CDH6: variants seen among roughly 807,000 people sequenced by gnomAD.
The protein encoded by CDH6 is cadherin-6.
In CDH6, 31 loss-of-function variants were observed where a neutral mutation model predicts 78.0. The ratio of observed to expected loss-of-function variants is 0.40; its 90% CI spans 0.30 to 0.54. The LOEUF is 0.54. Among genes scored for constraint, CDH6 ranks in the 20% least tolerant of loss-of-function variants. The probability of loss-of-function intolerance (pLI) is 0.56; values close to 1 mark genes in which losing one functional copy is unlikely to be tolerated. For synonymous variants in CDH6, 376 were observed against 368.8 expected (o/e 1.02, Z -0.23); for missense variants, 724 against 975.9 (o/e 0.74, Z 3.44).
rs1326321560 is a variant in CDH6 at position 31,286,311 on chromosome 5, GGGAATGAATTGATTGCATATA to G, written c.229-7647_229-7627del. Among the ~76,000 whole-genome samples the G allele has an allele frequency of 2.0e-5, 3 of 152,236 alleles. No homozygotes were observed. The East Asian group carries it at 5.8e-4, about 29-fold the overall frequency. ...AATAGAATGTGCTGATGGCTAAGTG[GGGAATGAATTGATTGCATATA>G]GGAGGAGACTGTAACTTAGACCAGC... On this transcript the variant is annotated intron_variant, in intron 2 of 11. Transcript: ENST00000265071.
intron 1 of CDH6, among the ~76,000 whole-genome samples, chr5:31,241,176 C>G (rs1253984013): frequency 6.6e-6 from 1 of 152,184 alleles, no homozygotes; most frequent in Non-Finnish European, 1.5e-5. Flanking sequence ...CGTCTCTCAG[C>G]CCATCTTTGC....
Position 31,275,505 on chromosome 5 carries a change from G to A in CDH6, c.228+7804G>A, listed in dbSNP as rs986124423. Reference sequence around the variant, plus strand: ...TCACTTAGGATAATGGCCTCCAGCTGCATCCATGTTGTTACAAAGGACATG... The same window carrying A: ...TCACTTAGGATAATGGCCTCCAGCTACATCCATGTTGTTACAAAGGACATG... On this transcript the variant is annotated intron_variant, in intron 2 of 11. Coordinates refer to ENST00000265071, the MANE Select transcript of CDH6 (RefSeq NM_004932.4). Among the ~76,000 whole-genome samples the A allele has an allele frequency of 6.6e-5, 10 of 152,242 alleles. 2 individuals carry two copies. The highest frequency in any genetic ancestry group is 5.9e-4 in the Admixed American group (9 of 15,290).
intron 11 of CDH6, among the ~76,000 whole-genome samples, chr5:31,320,392 A>G (rs1738449603): frequency 6.6e-6 from 1 of 152,200 alleles, no homozygotes; most frequent in South Asian, 2.1e-4. Context: ...AAAGCTATAG[A>G]TACCTTAAGC....
rs564740359 is a variant in CDH6, at chr5:31,244,835, G to A, written c.-128-22511G>A. On this transcript the variant is annotated intron_variant, in intron 1 of 11. Coordinates refer to ENST00000265071, the MANE Select transcript of CDH6 (RefSeq NM_004932.4). ...GGGCAAGGTACTTACTATAGGAGAA[G>A]AGGGTCCAGAGTTAGACGACCTCTG... is the stretch of plus-strand genomic sequence containing the variant. 4.3e-4 allele frequency among the ~76,000 whole-genome samples: 66 copies of A among 152,286 alleles called. 2 individuals carry two copies. In the South Asian group the frequency reaches 8.7e-3, roughly 20 times the overall value.
At chr5:31,259,754 G>A (rs931388620) in intron 1 of CDH6, among the ~76,000 whole-genome samples, 5 of 152,116 alleles carry the variant, frequency 3.3e-5, no homozygotes, top group East Asian at 1.9e-4. Context: ...CAGGGTCCAC[G>A]TGCCCAAAGG....
At chr5:31,273,944 C>G (rs1232976000) in intron 2 of CDH6, among the ~76,000 whole-genome samples, 1 of 152,118 alleles carries the variant, frequency 6.6e-6, no homozygotes. Context: ...CCCTTGATAA[C>G]CCTCTCTAAA....
intron 1 of CDH6, among the ~76,000 whole-genome samples, chr5:31,247,795 C>T (rs566273818): frequency 9.2e-5 from 14 of 152,304 alleles, no homozygotes; most frequent in East Asian, 1.9e-4. Flanking sequence ...TTAGGATGAA[C>T]GCTGCCTTGT....
intron 6 of CDH6, among the ~76,000 whole-genome samples, chr5:31,304,285 G>A (rs1450828582): frequency 6.6e-6 from 1 of 152,118 alleles, no homozygotes; most frequent in African/African-American, 2.4e-5. Flanking sequence ...ATCACCGGGG[G>A]AAGTGTTTAA....
At chr5:31,299,773 A>T (rs1484795280) in intron 5 of CDH6, 142 bp downstream of exon 5, 2 of 668,640 alleles carry the variant, frequency 3.0e-6, no homozygotes, top group Admixed American at 5.2e-5. Context: ...AAATGAGTTG[A>T]CAACATGGCA....
chr5:31,204,737 C>A (rs934612539), intron 1 of CDH6, among the ~76,000 whole-genome samples: 1 of 152,234 alleles, frequency 6.6e-6, no homozygotes, highest in East Asian at 1.9e-4. Context: ...AGAGCCAAAC[C>A]TGTCCCGTTT....
chr5:31,275,417 G>A (rs1480013912), intron 2 of CDH6, among the ~76,000 whole-genome samples: 3 of 152,026 alleles, frequency 2.0e-5, no homozygotes, highest in Non-Finnish European at 2.9e-5. Context: ...ATGAGTACCC[G>A]ATGTTTAGCT....
At chr5:31,210,927 A>G (rs1740687929) in intron 1 of CDH6, among the ~76,000 whole-genome samples, 1 of 152,226 alleles carries the variant, frequency 6.6e-6, no homozygotes, top group Non-Finnish European at 1.5e-5. Context: ...ATGGAATTCT[A>G]TTTAATAAAC....
At chr5:31,300,344 C>G (rs188094979) in intron 5 of CDH6, among the ~76,000 whole-genome samples, 19 of 152,202 alleles carry the variant, frequency 1.2e-4, no homozygotes, top group African/African-American at 4.3e-4. Context: ...CGAAAGCTAT[C>G]TCAATTATTC....
chr5:31,280,904 C>CA (rs201793108), intron 2 of CDH6, among the ~76,000 whole-genome samples: 19,498 of 117,140 alleles, frequency 0.17, 1,782 homozygotes, highest in African/African-American at 0.31. Context: ...GGCTCCCAAG[C>CA]AAAAAAAAAA....
At chr5:31,216,622 T>C (rs1327729098) in intron 1 of CDH6, among the ~76,000 whole-genome samples, 1 of 148,930 alleles carries the variant, frequency 6.7e-6, no homozygotes, top group East Asian at 2.0e-4. Context: ...AAATCTTTAC[T>C]ATCTGGCCCT....
In CDH6 at chr5:31,325,831, A is replaced by G. The variant is rs1305138992; in HGVS notation, c.*2523A>G. 4.3e-6 allele frequency: 1 copy of G among 231,304 alleles called. No individual in the cohort carries two copies. The highest frequency in any genetic ancestry group is 8.6e-6 in the Non-Finnish European group (1 of 116,910). 14.3% of individuals were successfully genotyped at this position (231,304 alleles called of 1,614,324 possible). On this transcript the variant is annotated 3_prime_UTR_variant, in exon 12 of 12. Coordinates refer to ENST00000265071, the MANE Select transcript of CDH6 (RefSeq NM_004932.4). ...AAGTAAATTTATAGGAAATTGGATA[A>G]TTTGAGACTGGGGCTAAATATTTAG... is the stretch of plus-strand genomic sequence containing the variant.
intron 2 of CDH6, among the ~76,000 whole-genome samples, chr5:31,274,384 A>C (rs12654539): frequency 0.31 from 47,703 of 152,156 alleles, 7,860 homozygotes; most frequent in Admixed American, 0.37. Context: ...TCATAAAGCC[A>C]AGGTAACTCT....
chr5:31,304,683 CAA>C (rs11398035), intron 6 of CDH6, among the ~76,000 whole-genome samples: 27 of 67,918 alleles, frequency 4.0e-4, no homozygotes, highest in African/African-American at 1.4e-3. Flanking sequence ...GACTCCGTCT[CAA>C]AAAAAAAAAA....
Position 31,294,727 on chromosome 5 carries a change from T to A in CDH6, c.523+471T>A, listed in dbSNP as rs949683834. Among the ~76,000 whole-genome samples, 5 of 152,348 alleles carry A rather than the reference T, an allele frequency of 3.3e-5. No individual in the cohort carries two copies. Among genetic ancestry groups the A allele is most frequent in the African/African-American group, 1.2e-4 (5 of 41,588 alleles). ...TTGGGAAGGAGATCAAAGAACTTTT[T>A]TTAATCCATAAACAATAGGCACGTT... On this transcript the variant is annotated intron_variant, in intron 3 of 11. Transcript: ENST00000265071. This position sits in a 1 kb window ranked among gnomAD's most constrained non-coding sequence, Gnocchi z 4.1.
Sources: gnomAD v4.1 joint callset for allele counts (sites outside exome capture counted in the v4.1 genomes callset) on GRCh38, gnomAD v4.1.1 for gene constraint, Gnocchi (gnomAD v3.1) non-coding constraint, MANE v1.5 for transcripts, NCBI Gene and HGNC (gene_info 2026-07-23, HGNC 2026-07-21) for gene names.